BMAL1: variants seen among roughly 807,000 people sequenced by gnomAD.
BMAL1 encodes the protein basic helix-loop-helix ARNT-like protein 1.
the BMAL1 span, chr11:13,372,204 T>C: frequency 6.2e-7 from 1 of 1,614,118 alleles, no homozygotes; most frequent in East Asian, 2.2e-5. Flanking sequence ...CACAGGCTAT[T>C]TGAAAAGCTG....
At chr11:13,384,798 C>T in the BMAL1 span, among the ~76,000 whole-genome samples, 1 of 152,244 alleles carries the variant, frequency 6.6e-6, no homozygotes, top group South Asian at 2.1e-4. Flanking sequence ...AAATACTATT[C>T]ATTATTTATG....
chr11:13,332,920 T>C, the BMAL1 span, among the ~76,000 whole-genome samples: 8 of 151,796 alleles, frequency 5.3e-5, no homozygotes, highest in South Asian at 1.0e-3. Flanking sequence ...GATCACTCTA[T>C]ATTGTGTGCC....
At chr11:13,284,156 A>ATG in the BMAL1 span, among the ~76,000 whole-genome samples, 1 of 43,850 alleles carries the variant, frequency 2.3e-5, no homozygotes, top group African/African-American at 8.8e-5. Context: ...GTATATATAT[A>ATG]TATGTGTGTA....
chr11:13,286,661 A>G, the BMAL1 span, among the ~76,000 whole-genome samples: 15 of 144,764 alleles, frequency 1.0e-4, no homozygotes, highest in East Asian at 2.9e-3. Flanking sequence ...CTGCAGTGAC[A>G]TTCTCAGTAG....
At chr11:13,347,312 T>G in the BMAL1 span, among the ~76,000 whole-genome samples, 1 of 152,082 alleles carries the variant, frequency 6.6e-6, no homozygotes, top group South Asian at 2.1e-4. Context: ...GGCCAGGAGT[T>G]CTAGGTTGCA....
the BMAL1 span, among the ~76,000 whole-genome samples, chr11:13,346,498 C>T: frequency 6.6e-6 from 1 of 152,208 alleles, no homozygotes; most frequent in African/African-American, 2.4e-5. Flanking sequence ...AGAGGAGCAG[C>T]TGTGTCTCCT....
the BMAL1 span, among the ~76,000 whole-genome samples, chr11:13,383,377 G>A: frequency 2.6e-5 from 4 of 152,178 alleles, no homozygotes; most frequent in East Asian, 1.9e-4. Context: ...ACATTAAAAC[G>A]TTAATTTTTT....
At chr11:13,366,590 G>A in the BMAL1 span, 3 of 1,293,114 alleles carry the variant, frequency 2.3e-6, no homozygotes, top group South Asian at 3.8e-5. Flanking sequence ...CATGCAGACT[G>A]TGCATGCTTA....
chr11:13,316,048 C>T, the BMAL1 span, among the ~76,000 whole-genome samples: 2 of 152,194 alleles, frequency 1.3e-5, no homozygotes, highest in African/African-American at 4.8e-5. Flanking sequence ...TTTTCTCTAC[C>T]TTACAACCCC....
At chr11:13,341,075 C>A in the BMAL1 span, among the ~76,000 whole-genome samples, 3 of 152,216 alleles carry the variant, frequency 2.0e-5, no homozygotes, top group African/African-American at 7.2e-5. Context: ...CCCAGAATCC[C>A]CTCACTCTAT....
chr11:13,386,846 G>A, the BMAL1 span: 1 of 1,475,902 alleles, frequency 6.8e-7, no homozygotes, highest in Non-Finnish European at 9.2e-7. Context: ...GATAAGGAGA[G>A]AATAGCTTTT....
chr11:13,334,949 C>G, the BMAL1 span, among the ~76,000 whole-genome samples: 1 of 152,216 alleles, frequency 6.6e-6, no homozygotes, highest in Non-Finnish European at 1.5e-5. Flanking sequence ...AACCATCTTT[C>G]TCTTTGTGAG....
chr11:13,357,936 G>T, the BMAL1 span, among the ~76,000 whole-genome samples: 1 of 152,140 alleles, frequency 6.6e-6, no homozygotes, highest in African/African-American at 2.4e-5. The surrounding 1 kb of genome is among the most constrained non-coding windows in gnomAD (Gnocchi z 4.8). Context: ...CAAGGATGAC[G>T]GCGTTGGTTA....
At chr11:13,277,237 A>C in the BMAL1 span, among the ~76,000 whole-genome samples, 1 of 152,254 alleles carries the variant, frequency 6.6e-6, no homozygotes, top group Non-Finnish European at 1.5e-5. Context: ...GGGAGTCAGG[A>C]ACTGCTGCTT....
At chr11:13,322,181 A>G in the BMAL1 span, among the ~76,000 whole-genome samples, 423 of 152,284 alleles carry the variant, frequency 2.8e-3, 3 homozygotes, top group African/African-American at 9.0e-3. Flanking sequence ...GCTTCCCAGG[A>G]TCACTGTCCA....
the BMAL1 span, among the ~76,000 whole-genome samples, chr11:13,384,759 C>G: frequency 6.6e-6 from 1 of 152,034 alleles, no homozygotes; most frequent in South Asian, 2.1e-4. Flanking sequence ...TTTTTTGTTA[C>G]TGTTTTAGAA....
At chr11:13,383,488 A>G in the BMAL1 span, among the ~76,000 whole-genome samples, 1 of 152,298 alleles carries the variant, frequency 6.6e-6, no homozygotes, top group Non-Finnish European at 1.5e-5. Flanking sequence ...CTATACTAGT[A>G]GTCATTGTAT....
the BMAL1 span, chr11:13,376,669 C>T: frequency 6.2e-7 from 1 of 1,614,112 alleles, no homozygotes; most frequent in East Asian, 2.2e-5. Context: ...GGGGACCCAA[C>T]CTTCCCACAG....
At chr11:13,356,566 C>G in the BMAL1 span, among the ~76,000 whole-genome samples, 3 of 152,074 alleles carry the variant, frequency 2.0e-5, no homozygotes, top group South Asian at 2.1e-4. Context: ...ATAGTAAGTT[C>G]AAGTTAATTT....
Sources: gnomAD v4.1 joint callset for allele counts (sites outside exome capture counted in the v4.1 genomes callset) on GRCh38, gnomAD v4.1.1 for gene constraint, Gnocchi (gnomAD v3.1) non-coding constraint, MANE v1.5 for transcripts, NCBI Gene and HGNC (gene_info 2026-07-23, HGNC 2026-07-21) for gene names.